The following C10orf143 variants were observed in gnomAD, a reference collection of about 807,000 sequenced individuals.
The protein encoded by C10orf143 is chromosome 10 open reading frame 143.
chr10:130,049,311 T>C (rs1564953161), intron 3 of C10orf143, among the ~76,000 whole-genome samples: 1 of 152,190 alleles, frequency 6.6e-6, no homozygotes, highest in African/African-American at 2.4e-5. Flanking sequence ...CCTCTGCCAC[T>C]GGAGGGAACA....
intron 1 of C10orf143, among the ~76,000 whole-genome samples, chr10:130,108,918 A>G (rs1220979500): frequency 6.6e-6 from 1 of 152,212 alleles, no homozygotes; most frequent in African/African-American, 2.4e-5. Flanking sequence ...AGTCGCAGAA[A>G]ACACAGCATG....
chr10:130,102,176 C>T (rs1450707452), intron 1 of C10orf143, among the ~76,000 whole-genome samples: 2 of 152,112 alleles, frequency 1.3e-5, no homozygotes, highest in Non-Finnish European at 2.9e-5. Flanking sequence ...ATTGAGCCTT[C>T]CTTTATGGCC....
intron 3 of C10orf143, among the ~76,000 whole-genome samples, chr10:130,048,377 T>C (rs959021392): frequency 3.3e-5 from 5 of 152,016 alleles, no homozygotes; most frequent in African/African-American, 1.2e-4. Context: ...AGGTTCCCTC[T>C]CTCCTGGGGC....
intron 3 of C10orf143, among the ~76,000 whole-genome samples, chr10:130,047,944 C>A (rs1006942691): frequency 2.6e-5 from 4 of 152,164 alleles, no homozygotes; most frequent in African/African-American, 9.7e-5. Context: ...GCCTTTGAAG[C>A]CCAGATAAAA....
intron 1 of C10orf143, chr10:130,107,224 A>G: frequency 7.6e-7 from 1 of 1,321,028 alleles, no homozygotes. Flanking sequence ...ATGAAATGAA[A>G]CTCTACAGGA....
At chr10:130,068,164 C>A (rs1860968542) in intron 3 of C10orf143, 1 of 152,222 alleles carries the variant, frequency 6.6e-6, no homozygotes, top group Admixed American at 6.6e-5. Context: ...GCCCCCGGCA[C>A]CCCCTGGATG....
intron 1 of C10orf143, chr10:130,101,122 G>A (rs1861542493): frequency 6.6e-6 from 1 of 151,936 alleles, no homozygotes; most frequent in Non-Finnish European, 1.5e-5. Flanking sequence ...GGGAGGCTGA[G>A]GCAGAAGAAT....
intron 1 of C10orf143, among the ~76,000 whole-genome samples, chr10:130,109,384 G>A (rs888589246): frequency 6.6e-6 from 1 of 152,002 alleles, no homozygotes; most frequent in African/African-American, 2.4e-5. Flanking sequence ...TTAGGTCCCC[G>A]CATATCCCCT....
chr10:130,062,132 C>A (rs1046274485), downstream of C10orf143, among the ~76,000 whole-genome samples: 1 of 152,142 alleles, frequency 6.6e-6, no homozygotes, highest in Non-Finnish European at 1.5e-5. Context: ...ATGGCCTGTA[C>A]TAAAATGGCT....
At chr10:130,057,468 G>T (rs1860808911) in intron 3 of C10orf143, among the ~76,000 whole-genome samples, 1 of 152,134 alleles carries the variant, frequency 6.6e-6, no homozygotes, top group South Asian at 2.1e-4. Context: ...AGAAACCAAG[G>T]CCAGGAAATC....
intron 1 of C10orf143, among the ~76,000 whole-genome samples, chr10:130,098,423 G>A (rs1052592724): frequency 6.6e-5 from 10 of 152,296 alleles, no homozygotes; most frequent in South Asian, 6.2e-4. Context: ...TGATAATGAA[G>A]GGTGACCATG....
In C10orf143 at chr10:130,075,680, T is replaced by A. The variant is rs565468679; in HGVS notation, c.297+3886A>T. On this transcript the variant is annotated intron_variant, in intron 3 of 3. Transcript: ENST00000637128. ...TCCACACATGTTGGAAGGGAGCTGG[T>A]GGGAGGTGACTGGATCATGGGGGCG... Among the ~76,000 whole-genome samples, 46 of 152,240 alleles carry A rather than the reference T, an allele frequency of 3.0e-4. 2 individuals are homozygous for A. The South Asian group carries it at 9.5e-3, about 32-fold the overall frequency.
chr10:130,036,721 C>A (rs1860549135), intron 3 of C10orf143, among the ~76,000 whole-genome samples: 1 of 152,214 alleles, frequency 6.6e-6, no homozygotes, highest in Non-Finnish European at 1.5e-5. Flanking sequence ...AATACGGACA[C>A]AGCAGTGAGT....
intron 1 of C10orf143, among the ~76,000 whole-genome samples, chr10:130,108,857 T>C (rs1310834841): frequency 6.6e-6 from 1 of 152,216 alleles, no homozygotes; most frequent in African/African-American, 2.4e-5. Flanking sequence ...ATCCACATGA[T>C]AACCATTCAA....
At chr10:130,053,149 C>T (rs1860755748) in intron 3 of C10orf143, among the ~76,000 whole-genome samples, 1 of 152,210 alleles carries the variant, frequency 6.6e-6, no homozygotes, top group East Asian at 1.9e-4. Context: ...CAACCTCCGA[C>T]TCCAGGGTTC....
Position 130,110,810 on chromosome 10 carries a change from T to C in C10orf143, c.-38A>G. ...TCAAACCCTCCCGGCATCTCAGGCC[T>C]GGCCGAGGCCCGCGCACCACGCCCC... On this transcript the variant is annotated 5_prime_UTR_variant, in exon 1 of 4. Transcript: ENST00000637128. 1 of 398,854 alleles carries C rather than the reference T, an allele frequency of 2.5e-6. No individual in the cohort carries two copies. Among genetic ancestry groups the C allele is most frequent in the Non-Finnish European group, 4.4e-6 (1 of 226,156 alleles). 24.7% of individuals were successfully genotyped at this position (398,854 alleles called of 1,614,324 possible). A position where few individuals can be genotyped will look rare whatever the true frequency, so the allele number is the denominator to read the frequency against.
In C10orf143 at chr10:130,079,908, CAA is replaced by C. The variant is rs1861179665; in HGVS notation, c.70-9_70-8del. ...ATCTCCTGCATACCCGTTTCTGAAA[CAA>C]ACAAAATTTTACTTTAGATGGTCTC... On this transcript the variant is annotated splice_region_variant and splice_polypyrimidine_tract_variant and intron_variant, in intron 1 of 3. Coordinates refer to ENST00000637128, the MANE Select transcript of C10orf143 (RefSeq NM_001355042.2). The C allele has an allele frequency of 7.5e-6, 3 of 398,608 alleles. No homozygotes were observed. In the East Asian group the frequency reaches 1.1e-4, roughly 14 times the overall value. 24.7% of individuals were successfully genotyped at this position (398,608 alleles called of 1,614,324 possible). A position where few individuals can be genotyped will look rare whatever the true frequency, so the allele number is the denominator to read the frequency against.
At chr10:130,038,002 C>G (rs1247461635) in intron 3 of C10orf143, among the ~76,000 whole-genome samples, 2 of 152,204 alleles carry the variant, frequency 1.3e-5, no homozygotes, top group African/African-American at 4.8e-5. Context: ...TTTCCATGTA[C>G]AGAGACCGTC....
intron 3 of C10orf143, among the ~76,000 whole-genome samples, chr10:130,049,496 C>G (rs991602642): frequency 2.6e-5 from 4 of 152,250 alleles, no homozygotes; most frequent in Non-Finnish European, 1.5e-5. Context: ...AGATCGCCTC[C>G]ACCTGGAGGG....
Sources: gnomAD v4.1 joint callset for allele counts (sites outside exome capture counted in the v4.1 genomes callset) on GRCh38, gnomAD v4.1.1 for gene constraint, MANE v1.5 for transcripts, NCBI Gene and HGNC (gene_info 2026-07-23, HGNC 2026-07-21) for gene names.